GPBP1: variants seen among roughly 807,000 people sequenced by gnomAD.
GPBP1 encodes the protein GC-rich promoter binding protein 1.
In GPBP1, 13 loss-of-function variants were observed where a neutral mutation model predicts 56.5. That is an observed-to-expected ratio of 0.23 (90% confidence interval 0.15 to 0.37). GPBP1 has a LOEUF of 0.37. GPBP1 is among the 10% of genes least tolerant of loss of function. GPBP1 has a pLI of 1.00. For synonymous variants in GPBP1, 204 were observed against 188.9 expected (o/e 1.08, Z -0.66); for missense variants, 477 against 572.3 (o/e 0.83, Z 1.70).
chr5:57,178,011 A>G (rs1465913427), intron 2 of GPBP1, among the ~76,000 whole-genome samples: 1 of 152,018 alleles, frequency 6.6e-6, no homozygotes, highest in Non-Finnish European at 1.5e-5. Context: ...AGACTAGGTT[A>G]TATGTGTTTT....
chr5:57,197,060 C>T (rs1395538958), intron 2 of GPBP1, among the ~76,000 whole-genome samples: 3 of 151,908 alleles, frequency 2.0e-5, no homozygotes, highest in Admixed American at 6.6e-5. Context: ...GGGATATAGG[C>T]GTGAGCCACC....
chr5:57,221,784 T>A (rs1463309258), intron 3 of GPBP1, among the ~76,000 whole-genome samples: 1 of 152,200 alleles, frequency 6.6e-6, no homozygotes, highest in East Asian at 1.9e-4. Context: ...CAGTGTCAGC[T>A]TGCGATGAAA....
At chr5:57,243,385 C>G (rs901431117) in intron 6 of GPBP1, among the ~76,000 whole-genome samples, 7 of 152,004 alleles carry the variant, frequency 4.6e-5, no homozygotes, top group African/African-American at 1.7e-4. Context: ...TCTTAATAAG[C>G]ACAATAACGG....
chr5:57,239,421 A>G (rs1236310050), intron 6 of GPBP1, among the ~76,000 whole-genome samples: 2 of 152,236 alleles, frequency 1.3e-5, no homozygotes, highest in Admixed American at 1.3e-4. Flanking sequence ...TATAACAGTT[A>G]GTGAAACTCA....
chr5:57,212,835 A>G (rs1755549843), intron 2 of GPBP1, among the ~76,000 whole-genome samples: 1 of 151,314 alleles, frequency 6.6e-6, no homozygotes. Context: ...ACACCTAGCT[A>G]ATTTTTTTTG....
At chr5:57,200,913 C>A (rs545682300) in intron 2 of GPBP1, among the ~76,000 whole-genome samples, 4 of 151,552 alleles carry the variant, frequency 2.6e-5, no homozygotes, top group Non-Finnish European at 5.9e-5. Flanking sequence ...TTGCTGACCT[C>A]GTGATTCGCC....
chr5:57,210,926 T>C (rs572022000), intron 2 of GPBP1, among the ~76,000 whole-genome samples: 136 of 152,278 alleles, frequency 8.9e-4, no homozygotes, highest in African/African-American at 3.0e-3. Context: ...TAATCACTTC[T>C]TTAAAGACCT....
chr5:57,261,886 ATTTG>A (rs1193315290), intron 11 of GPBP1, among the ~76,000 whole-genome samples: 1 of 151,966 alleles, frequency 6.6e-6, no homozygotes, highest in Non-Finnish European at 1.5e-5. Flanking sequence ...CAAATCGATT[ATTTG>A]TTTATTTAAA....
chr5:57,180,450 C>T (rs1299561481), intron 2 of GPBP1, among the ~76,000 whole-genome samples: 1 of 152,086 alleles, frequency 6.6e-6, no homozygotes, highest in Non-Finnish European at 1.5e-5. Context: ...ACCAAACCAT[C>T]TTTTCTGTTT....
chr5:57,251,057 C>G lies in GPBP1; in HGVS notation c.1076C>G (p.Ala359Gly). 1 of 1,613,292 alleles carries G rather than the reference C, an allele frequency of 6.2e-7. No homozygotes were observed. Among genetic ancestry groups the G allele is most frequent in the Non-Finnish European group, 8.5e-7 (1 of 1,179,686 alleles). Reference protein sequence around the residue: ...ENEIPQENGNASVISQQIIRS... With the variant: ...ENEIPQENGNGSVISQQIIRS... ...GAAATTCCTCAAGAGAATGGCAATG[C>G]CTCAGTGATTTCCCAGCAGATCATT... is the stretch of plus-strand genomic sequence containing the variant. The change falls in exon 10 of 12, where the codon GCC becomes GGC. Residue 359 changes from alanine to glycine, a missense_variant. By Grantham distance (60) the Ala-to-Gly change is moderately conservative. Around this residue, in one of 2 missense-constraint regions of GPBP1, gnomAD observed 414 missense variants for 458.2 expected, o/e 0.90. Coordinates refer to ENST00000506184, the MANE Select transcript of GPBP1 (RefSeq NM_022913.4).
intron 2 of GPBP1, among the ~76,000 whole-genome samples, chr5:57,189,015 G>A (rs78846975): frequency 0.03 from 4,506 of 152,024 alleles, 151 homozygotes; most frequent in East Asian, 0.13. Context: ...TCTTTGCGAC[G>A]AAGTTTCACT....
chr5:57,204,946 C>A (rs1299796774), intron 2 of GPBP1, among the ~76,000 whole-genome samples: 1 of 152,130 alleles, frequency 6.6e-6, no homozygotes, highest in Non-Finnish European at 1.5e-5. Context: ...ACTCTACTTA[C>A]TTTTATTAAA....
intron 6 of GPBP1, 29 bp from the exon 7 acceptor site, chr5:57,246,271 T>C (rs772242759): frequency 1.3e-6 from 2 of 1,548,540 alleles, no homozygotes; most frequent in Admixed American, 3.8e-5. Flanking sequence ...AAATTGTGAG[T>C]GACTCTTGGT....
intron 2 of GPBP1, among the ~76,000 whole-genome samples, chr5:57,210,938 A>G (rs1177179582): frequency 6.6e-6 from 1 of 152,160 alleles, no homozygotes; most frequent in Admixed American, 6.6e-5. Flanking sequence ...TAAAGACCTT[A>G]TCTTCAAATA....
chr5:57,212,874 T>C (rs985930491), intron 2 of GPBP1, among the ~76,000 whole-genome samples: 1 of 151,822 alleles, frequency 6.6e-6, no homozygotes, highest in African/African-American at 2.4e-5. Flanking sequence ...GGTTTCACTA[T>C]GCTGGCCAGG....
intron 2 of GPBP1, among the ~76,000 whole-genome samples, chr5:57,201,293 A>T (rs1171371059): frequency 6.6e-6 from 1 of 151,424 alleles, no homozygotes; most frequent in African/African-American, 2.4e-5. Context: ...TGTGCAGCTA[A>T]TTTTTTTTTC....
At chr5:57,195,691 G>T (rs1164123400) in intron 2 of GPBP1, among the ~76,000 whole-genome samples, 1 of 151,990 alleles carries the variant, frequency 6.6e-6, no homozygotes, top group South Asian at 2.1e-4. Flanking sequence ...TTTTATTTGC[G>T]AAATGAATAT....
chr5:57,196,089 A>G (rs1048904619), intron 2 of GPBP1, among the ~76,000 whole-genome samples: 1 of 149,766 alleles, frequency 6.7e-6, no homozygotes, highest in Admixed American at 6.7e-5. Context: ...TTCCTTTTCC[A>G]TATGATGGTT....
intron 3 of GPBP1, among the ~76,000 whole-genome samples, chr5:57,226,650 G>A (rs868045227): frequency 1.4e-5 from 2 of 140,556 alleles, no homozygotes; most frequent in East Asian, 2.2e-4. Context: ...GCCTCCGCCT[G>A]CTGGGTTCAG....
Sources: allele counts gnomAD v4.1 joint callset (sites outside exome capture counted in the v4.1 genomes callset), GRCh38; gene constraint gnomAD v4.1.1; regional missense constraint gnomAD v4.1.1; transcripts MANE v1.5; gene names NCBI Gene and HGNC (gene_info 2026-07-23, HGNC 2026-07-21).